Variants in NCAM1 observed in about 807,000 individuals in gnomAD.
NCAM1 encodes antigen recognized by monoclonal antibody 5.1H11.
Under a neutral mutation model 109.8 loss-of-function variants are expected in NCAM1, and 14 were observed. That is an observed-to-expected ratio of 0.13 (90% CI 0.08 to 0.20). The LOEUF (loss-of-function observed/expected upper bound fraction) is 0.20. Among genes scored for constraint, NCAM1 ranks in the 10% least tolerant of loss-of-function variants. The probability of loss-of-function intolerance (pLI) is 1.00; values close to 1 mark genes in which losing one functional copy is unlikely to be tolerated. For synonymous variants in NCAM1, 418 were observed against 442.9 expected, an observed-to-expected ratio of 0.94 and a Z score of 0.70; for missense variants, 774 against 1,109.9, an observed-to-expected ratio of 0.70 and a Z score of 4.30.
At chr11:113,031,166 T>A (rs1952701111) in intron 1 of NCAM1, among the ~76,000 whole-genome samples, 1 of 152,234 alleles carries the variant, frequency 6.6e-6, no homozygotes, top group African/African-American at 2.4e-5. Context: ...AAAGACACCT[T>A]ACTTAATATT....
At chr11:113,070,121 T>C (rs1411606338) in intron 1 of NCAM1, among the ~76,000 whole-genome samples, 1 of 152,116 alleles carries the variant, frequency 6.6e-6, no homozygotes, top group Admixed American at 6.5e-5. Context: ...GAGAAGGTCA[T>C]AGCTAGGATA....
chr11:113,170,235 G>A (rs529018157), intron 1 of NCAM1, among the ~76,000 whole-genome samples: 2 of 152,276 alleles, frequency 1.3e-5, no homozygotes, highest in East Asian at 1.9e-4. Flanking sequence ...GAGGGAGAGG[G>A]TTCCAGGCCT....
chr11:113,246,469 C>A, intron 15 of NCAM1, 99 bp downstream of exon 15: 4 of 687,318 alleles, frequency 5.8e-6, no homozygotes, highest in Non-Finnish European at 8.0e-6. Flanking sequence ...CTAAGCAAAG[C>A]CATTTGAGAG....
chr11:113,199,829 T>TGAAAAAAAAAAAAAAAAAAAA (rs60389510), intron 1 of NCAM1, among the ~76,000 whole-genome samples: 8 of 115,780 alleles, frequency 6.9e-5, no homozygotes, highest in African/African-American at 2.7e-4. Context: ...GAAACACCCT[T>TGAAAAAAAAAAAAAAAAAAAA]AAAAAAAAAA....
At chr11:113,148,468 G>T (rs1197906484) in intron 1 of NCAM1, among the ~76,000 whole-genome samples, 1 of 150,410 alleles carries the variant, frequency 6.6e-6, no homozygotes, top group Non-Finnish European at 1.5e-5. Flanking sequence ...TATTTTTTGG[G>T]TCTGATTGTA....
At chr11:113,122,441 A>T (rs575423399) in intron 1 of NCAM1, among the ~76,000 whole-genome samples, 2 of 152,182 alleles carry the variant, frequency 1.3e-5, no homozygotes, top group Non-Finnish European at 2.9e-5. Flanking sequence ...CTCAAAAAAG[A>T]TGTATTAAAT....
intron 1 of NCAM1, among the ~76,000 whole-genome samples, chr11:113,068,435 G>A (rs542727333): frequency 1.3e-5 from 2 of 152,252 alleles, no homozygotes; most frequent in African/African-American, 4.8e-5. Flanking sequence ...TAAAACACTT[G>A]GCACAGTGCA....
At chr11:113,013,291 T>C (rs569126472) in intron 1 of NCAM1, among the ~76,000 whole-genome samples, 14 of 151,840 alleles carry the variant, frequency 9.2e-5, no homozygotes, top group Non-Finnish European at 1.9e-4. Flanking sequence ...CCAGGCATGA[T>C]GGCGCGTGCC....
rs375385430 is a variant in NCAM1, at chr11:113,275,463, GACAC to G, written c.*83_*86del. On this transcript the variant is annotated 3_prime_UTR_variant, in exon 20 of 20. Transcript: ENST00000316851. ...TCACCAGAGCATTTCCAACACCACA[GACAC>G]ACACACGCACGCACACACACAAACA... is the stretch of plus-strand genomic sequence containing the variant. 4.5e-5 allele frequency: 69 copies of G among 1,534,358 alleles called. No individual in the cohort carries two copies. The highest frequency in any genetic ancestry group is 8.4e-5 in the South Asian group (7 of 83,660).
chr11:113,214,986 C>T (rs974503495), intron 8 of NCAM1, among the ~76,000 whole-genome samples: 21 of 152,264 alleles, frequency 1.4e-4, no homozygotes, highest in African/African-American at 4.8e-4. Context: ...TGCCTGGTTG[C>T]CATTGTGTCT....
chr11:113,043,344 A>T (rs1163897777), intron 1 of NCAM1, among the ~76,000 whole-genome samples: 2 of 151,606 alleles, frequency 1.3e-5, no homozygotes, highest in African/African-American at 4.9e-5. Context: ...TTATTTATTT[A>T]TTTATTTTTT....
At chr11:113,206,892 A>G (rs1391551021) in intron 5 of NCAM1, among the ~76,000 whole-genome samples, 2 of 152,226 alleles carry the variant, frequency 1.3e-5, no homozygotes, top group Non-Finnish European at 2.9e-5. Flanking sequence ...TTCCAGTACA[A>G]AGAGCTCCTT....
At chr11:113,065,373 C>T (rs552203865) in intron 1 of NCAM1, among the ~76,000 whole-genome samples, 1 of 152,068 alleles carries the variant, frequency 6.6e-6, no homozygotes, top group Non-Finnish European at 1.5e-5. Context: ...ATAGCCCCCT[C>T]CTTAAGTGGG....
At chr11:113,027,347 T>C (rs1344981045) in intron 1 of NCAM1, among the ~76,000 whole-genome samples, 1 of 152,224 alleles carries the variant, frequency 6.6e-6, no homozygotes, top group Admixed American at 6.5e-5. Flanking sequence ...GTTGTAGGAA[T>C]TTAAAATATT....
At position 113,276,992 on chromosome 11, in the gene NCAM1, G is replaced by A. The variant is rs1413848185; in HGVS notation, c.*1605G>A. ...AGTATTGAAATAAAACTTCAACATA[G>A]TTTGGTTGTGGAAGGTATAGCAGAT... On this transcript the variant is annotated 3_prime_UTR_variant, in exon 20 of 20. Coordinates refer to ENST00000316851, the MANE Select transcript of NCAM1 (RefSeq NM_181351.5). 9.5e-6 allele frequency: 2 copies of A among 210,996 alleles called. No individual in the cohort carries two copies. The highest frequency in any genetic ancestry group is 1.9e-5 in the Non-Finnish European group (2 of 106,630). 13.1% of individuals were successfully genotyped at this position (210,996 alleles called of 1,614,324 possible). A position where few individuals can be genotyped will look rare whatever the true frequency, so the allele number is the denominator to read the frequency against.
chr11:113,236,366 C>CTAGTTCTAGTTCGTAATT (rs1269142656), intron 14 of NCAM1: 78 of 1,586,686 alleles, frequency 4.9e-5, no homozygotes, highest in Non-Finnish European at 6.4e-5. Context: ...TTAACATCTG[C>CTAGTTCTAGTTCGTAATT]TAGTTCTAGT....
chr11:113,207,060 A>T (rs755042234), intron 5 of NCAM1, among the ~76,000 whole-genome samples: 1 of 152,260 alleles, frequency 6.6e-6, no homozygotes, highest in Non-Finnish European at 1.5e-5. Flanking sequence ...ACAAAAATGC[A>T]TGTTTGTAGA....
chr11:113,081,550 C>T (rs1420543357), intron 1 of NCAM1, among the ~76,000 whole-genome samples: 4 of 150,952 alleles, frequency 2.6e-5, no homozygotes, highest in Admixed American at 6.6e-5. Flanking sequence ...TTCTTTTTTT[C>T]TTTTTTTTTG....
chr11:113,145,379 G>A (rs551766991), intron 1 of NCAM1, among the ~76,000 whole-genome samples: 17 of 152,288 alleles, frequency 1.1e-4, no homozygotes, highest in Admixed American at 5.9e-4. Context: ...CTGGCAGTAC[G>A]ATACCCATTC....
Sources: allele counts gnomAD v4.1 joint callset (sites outside exome capture counted in the v4.1 genomes callset), GRCh38; gene constraint gnomAD v4.1.1; transcripts MANE v1.5; gene names NCBI Gene and HGNC (gene_info 2026-07-23, HGNC 2026-07-21).